RBBP6: variants seen among roughly 807,000 people sequenced by gnomAD.
RBBP6 encodes E3 ubiquitin-protein ligase RBBP6.
RBBP6 carries 25 observed loss-of-function variants against 167.7 expected under a neutral mutation model. The observed-to-expected ratio is 0.15, with a 90% CI of 0.11 to 0.21. RBBP6 has a LOEUF of 0.21. Ranked by LOEUF, RBBP6 falls within the 10% of genes least tolerant of loss-of-function variation. The probability of loss-of-function intolerance (pLI) is 1.00; values close to 1 mark genes in which losing one functional copy is unlikely to be tolerated. For missense variants in RBBP6, 1,868 were observed against 2,134.2 expected, an observed-to-expected ratio of 0.88 and a Z score of 2.46; for synonymous variants, 789 against 735.8, an observed-to-expected ratio of 1.07 and a Z score of -1.17.
intron 8 of RBBP6, among the ~76,000 whole-genome samples, chr16:24,560,558 G>C (rs1394972696): frequency 6.6e-6 from 1 of 152,182 alleles, no homozygotes; most frequent in African/African-American, 2.4e-5. Flanking sequence ...GCTCAAGCCT[G>C]CTCTGGCCTT....
Position 24,541,205 on chromosome 16 carries a change from C to CAAAAAAAAAAAAAA in RBBP6, c.166+420_166+421insAAAAAAAAAAAAAA, listed in dbSNP as rs933107246. 7.3e-4 allele frequency among the ~76,000 whole-genome samples: 58 copies of CAAAAAAAAAAAAAA among 79,284 alleles called. 4 individuals carry two copies. The highest frequency in any genetic ancestry group is 8.3e-4 in the Non-Finnish European group (34 of 40,782). The allele number at this position is 79,284 out of a possible 152,430, so 52.0% of individuals were successfully genotyped here. ...GCAAAAAAAAAAACAAAAAAAAAAC[C>CAAAAAAAAAAAAAA]AAAAAAACAATTTTCTAACCTAACA... On this transcript the variant is annotated intron_variant, in intron 1 of 17. Transcript: ENST00000319715.
intron 4 of RBBP6, chr16:24,554,125 A>T (rs918098938): frequency 6.6e-6 from 1 of 152,128 alleles, no homozygotes. Flanking sequence ...TTGCAGGAAT[A>T]TACCAATGTG....
intron 6 of RBBP6, 151 bp from the exon 7 acceptor site, chr16:24,556,157 T>C: frequency 1.4e-6 from 1 of 715,226 alleles, no homozygotes; most frequent in South Asian, 1.9e-5. Flanking sequence ...AAATAGTACG[T>C]ACTTCACATA....
Position 24,544,658 on chromosome 16 carries a change from A to G in RBBP6, c.167-1505A>G, listed in dbSNP as rs899025513. 5.9e-5 allele frequency among the ~76,000 whole-genome samples: 9 copies of G among 152,048 alleles called. No individual in the cohort carries two copies. In the East Asian group the frequency reaches 1.2e-3, roughly 20 times the overall value. Reference sequence around the variant, plus strand: ...GGATACATTTTTGCATCTCTAGGTAATTTTTCTTTTTGGTAATTTTACAGA... The same window carrying G: ...GGATACATTTTTGCATCTCTAGGTAGTTTTTCTTTTTGGTAATTTTACAGA... On this transcript the variant is annotated intron_variant, in intron 1 of 17. Coordinates refer to ENST00000319715, the MANE Select transcript of RBBP6 (RefSeq NM_006910.5).
At chr16:24,551,488 A>G (rs1447760934) in intron 3 of RBBP6, among the ~76,000 whole-genome samples, 3 of 151,856 alleles carry the variant, frequency 2.0e-5, no homozygotes, top group Admixed American at 2.0e-4. Flanking sequence ...TTTGTGGACT[A>G]TAAGATATTT....
Position 24,556,156 on chromosome 16 carries a change from G to A in RBBP6, c.535-152G>A, listed in dbSNP as rs769239041. On this transcript the variant is annotated intron_variant, in intron 6 of 17. Transcript: ENST00000319715. ...CTCTAAAATGGAGATAAAATAGTAC[G>A]TACTTCACATAGCAGTTACAAGGAT... 211 of 712,872 alleles carry A rather than the reference G, an allele frequency of 3.0e-4. 2 individuals are homozygous for A. The highest frequency in any genetic ancestry group is 4.6e-4 in the Admixed American group (16 of 34,844). 44.2% of individuals were successfully genotyped at this position (712,872 alleles called of 1,614,324 possible). A position where few individuals can be genotyped will look rare whatever the true frequency, so the allele number is the denominator to read the frequency against.
rs965930720 is a variant in RBBP6, at chr16:24,540,447, C to T, written c.-180C>T. The T allele has an allele frequency of 3.8e-6, 2 of 521,616 alleles. No homozygotes were observed. The highest frequency in any genetic ancestry group is 3.9e-5 in the African/African-American group (2 of 51,948). 32.3% of individuals were successfully genotyped at this position (521,616 alleles called of 1,614,324 possible). A position where few individuals can be genotyped will look rare whatever the true frequency, so the allele number is the denominator to read the frequency against. The stretch of plus-strand genomic sequence containing the variant: ...AGTGATTCTGAGTATCGGGGGGTCT[C>T]TGGATTATTGTTCTGACGAACCCCT... On this transcript the variant is annotated 5_prime_UTR_variant, in exon 1 of 18. Coordinates refer to ENST00000319715, the MANE Select transcript of RBBP6 (RefSeq NM_006910.5).
chr16:24,572,387 AAGAT>A lies in RBBP6; in HGVS notation c.5323_5326del (p.Asp1775LysfsTer12). 1 of 1,545,842 alleles carries A rather than the reference AAGAT, an allele frequency of 6.5e-7. No homozygotes were observed. Among genetic ancestry groups the A allele is most frequent in the Non-Finnish European group, 8.7e-7 (1 of 1,145,288 alleles). On this transcript the variant is annotated frameshift_variant, in exon 18 of 18. Transcript: ENST00000319715. LOFTEE classifies it high-confidence loss of function. ...AAGAAAAAGAAGTCAAAGAAGAACA[AAGAT>A]AAAGAGAAGGAGAAGGAGAAAGATG...
intron 4 of RBBP6, chr16:24,554,276 A>T (rs1352020705): frequency 6.6e-6 from 1 of 151,232 alleles, no homozygotes; most frequent in Non-Finnish European, 1.5e-5. Flanking sequence ...TTTTTAAAGC[A>T]ATACATTTAG....
chr16:24,567,208 C>A lies in RBBP6; in HGVS notation c.1655C>A (p.Ala552Glu), dbSNP rs759712154. 1 of 1,613,952 alleles carries A rather than the reference C, an allele frequency of 6.2e-7. No individual in the cohort carries two copies. Among genetic ancestry groups the A allele is most frequent in the South Asian group, 1.1e-5 (1 of 91,084 alleles). The change falls in exon 15 of 18, where the codon GCA (alanine) becomes GAA (glutamate). Residue 552 changes from alanine to glutamate, a missense_variant. By Grantham distance (107) the Ala-to-Glu change is moderately radical. Around this residue, in one of 7 missense-constraint regions of RBBP6, gnomAD observed 145 missense variants for 224.3 expected, o/e 0.65. Coordinates refer to ENST00000319715, the MANE Select transcript of RBBP6 (RefSeq NM_006910.5). The stretch of plus-strand genomic sequence containing the variant: ...AGGACTCAAGGCCCGTCACTACCAG[C>A]AACTCCAGTCTTTGTACCTGTTCCA... The part of the protein sequence containing the change: ...SQRTQGPSLP[A>E]TPVFVPVPPP...
At chr16:24,545,016 G>GGTTA (rs1898605543) in intron 1 of RBBP6, among the ~76,000 whole-genome samples, 2 of 152,110 alleles carry the variant, frequency 1.3e-5, no homozygotes, top group Admixed American at 1.3e-4. Flanking sequence ...TTTTTTAGCA[G>GGTTA]CCTGGTTATT....
Position 24,555,887 on chromosome 16 carries a change from A to C in RBBP6, c.504A>C (p.Gly168=), listed in dbSNP as rs61759886. The change falls in exon 6 of 18, where the codon GGA becomes GGC. Residue 168 remains glycine (G), a synonymous_variant. Coordinates refer to ENST00000319715, the MANE Select transcript of RBBP6 (RefSeq NM_006910.5). ...SYTCFRCGKP[G]HYIKNCPTNG... ...CGTGTTTCCGTTGTGGTAAACCTGG[A>C]CATTATATTAAGAATTGCCCAACAA... 10,292 of 1,607,360 alleles carry C rather than the reference A, an allele frequency of 6.4e-3. 29 individuals carry two copies. The highest frequency in any genetic ancestry group is 8.1e-3 in the Non-Finnish European group (9,450 of 1,173,850).
Position 24,540,625 on chromosome 16 carries a change from C to T in RBBP6, c.-2C>T, listed in dbSNP as rs1567268550. On this transcript the variant is annotated 5_prime_UTR_variant, in exon 1 of 18. Transcript: ENST00000319715. ...GCTGAACCTTAGGAATCCCTTGGCA[C>T]CATGTCCTGTGTGCATTATAAATTT... is the stretch of plus-strand genomic sequence containing the variant. The T allele has an allele frequency of 1.2e-6, 2 of 1,612,340 alleles. No homozygotes were observed. The highest frequency in any genetic ancestry group is 1.7e-6 in the Non-Finnish European group (2 of 1,178,918).
intron 7 of RBBP6, among the ~76,000 whole-genome samples, chr16:24,556,760 G>A (rs1384399970): frequency 1.3e-5 from 2 of 151,874 alleles, no homozygotes; most frequent in Non-Finnish European, 1.5e-5. Flanking sequence ...TATTATATAT[G>A]CTACTTGCAT....
chr16:24,571,814 G>A lies in RBBP6; in HGVS notation c.4748G>A (p.Ser1583Asn). Reference protein sequence around the residue: ...VLEARNNKESSGNKLLYILNP... With the variant: ...VLEARNNKESNGNKLLYILNP... Reference sequence around the variant, plus strand: ...GAAGCAAGGAACAATAAAGAGTCAAGTGGCAATAAACTACTTTATATACTT... The same window carrying A: ...GAAGCAAGGAACAATAAAGAGTCAAATGGCAATAAACTACTTTATATACTT... The change falls in exon 18 of 18, where the codon AGT becomes AAT. Residue 1583 changes from serine (S) to asparagine (N), a missense_variant. Physicochemically the swap from Ser to Asn is conservative, Grantham distance 46. This residue lies in a region of RBBP6 where 591 missense variants were observed against 540.5 expected (regional missense o/e 1.09). Transcript: ENST00000319715. The A allele has an allele frequency of 6.2e-7, 1 of 1,614,030 alleles. No homozygotes were observed. The highest frequency in any genetic ancestry group is 8.5e-7 in the Non-Finnish European group (1 of 1,179,972).
chr16:24,555,816 T>C lies in RBBP6; in HGVS notation c.438-5T>C. The C allele has an allele frequency of 6.2e-7, 1 of 1,603,256 alleles. No individual in the cohort carries two copies. Among genetic ancestry groups the C allele is most frequent in the South Asian group, 1.1e-5 (1 of 90,828 alleles). On this transcript the variant is annotated splice_region_variant and splice_polypyrimidine_tract_variant and intron_variant, in intron 5 of 17. Transcript: ENST00000319715. ...TATACATGTAATTTTTTTTCCCCCT[T>C]TTAGTTACATGAAGAAACCTCTAGG...
At chr16:24,544,949 A>C (rs1462940833) in intron 1 of RBBP6, among the ~76,000 whole-genome samples, 1 of 152,094 alleles carries the variant, frequency 6.6e-6, no homozygotes, top group Non-Finnish European at 1.5e-5. Context: ...CCTACCTGCA[A>C]ACATTCTGTC....
In RBBP6 at chr16:24,555,814, C is replaced by T. The variant is rs779971840; in HGVS notation, c.438-7C>T. 4 of 1,602,280 alleles carry T rather than the reference C, an allele frequency of 2.5e-6. No homozygotes were observed. In the East Asian group the frequency reaches 6.7e-5, roughly 27 times the overall value. On this transcript the variant is annotated splice_region_variant and splice_polypyrimidine_tract_variant and intron_variant, in intron 5 of 17. Coordinates refer to ENST00000319715, the MANE Select transcript of RBBP6 (RefSeq NM_006910.5). ...CGTATACATGTAATTTTTTTTCCCC[C>T]TTTTAGTTACATGAAGAAACCTCTA...
intron 1 of RBBP6, among the ~76,000 whole-genome samples, chr16:24,542,322 A>G (rs1169689950): frequency 6.6e-5 from 10 of 152,226 alleles, no homozygotes; most frequent in Admixed American, 6.5e-4. Flanking sequence ...GAGAGACAAT[A>G]TGAATGGAAT....
Sources: allele counts gnomAD v4.1 joint callset (sites outside exome capture counted in the v4.1 genomes callset), GRCh38; gene constraint gnomAD v4.1.1; regional missense constraint gnomAD v4.1.1; transcripts MANE v1.5; gene names NCBI Gene and HGNC (gene_info 2026-07-23, HGNC 2026-07-21).